HEATR6: variants seen among roughly 807,000 people sequenced by gnomAD.
HEATR6 encodes HEAT repeat-containing protein 6.
HEATR6 carries 106 observed loss-of-function variants against 132.8 expected under a neutral mutation model. The observed-to-expected ratio is 0.80, with a 90% CI of 0.68 to 0.94. The LOEUF (loss-of-function observed/expected upper bound fraction) is 0.94, where lower values mean the gene tolerates loss of function less well. HEATR6 is among the 40% of genes least tolerant of loss of function. The pLI is 0.00. For missense variants in HEATR6, 1,339 were observed against 1,425.1 expected (o/e 0.94, Z 0.97); for synonymous variants, 529 against 537.8 (o/e 0.98, Z 0.23).
intron 9 of HEATR6, chr17:60,064,821 A>C (rs577623060): frequency 6.6e-6 from 1 of 152,368 alleles, no homozygotes; most frequent in South Asian, 2.1e-4. Context: ...AAAATATATG[A>C]AGATATAAAC....
chr17:60,078,780 G>T lies in HEATR6; in HGVS notation c.135C>A (p.Ser45Arg). The T allele has an allele frequency of 6.3e-7, 1 of 1,583,548 alleles. No individual in the cohort carries two copies. The change falls in exon 1 of 20, where the codon AGC becomes AGA. Residue 45 changes from serine to arginine, a missense_variant. Transcript: ENST00000184956. ...GGTGGATCTCGGTGCGGGCGGAGCT[G>T]CTGTCATCCGGGCGCAGGGCGCAGA... ...ARLCALRPDD[S>R]SSARTEIHLL...
intron 12 of HEATR6, 28 bp from the exon 13 acceptor site, chr17:60,056,265 C>T (rs773878356): frequency 1.3e-6 from 2 of 1,594,244 alleles, no homozygotes; most frequent in South Asian, 1.1e-5. Flanking sequence ...AATTAACCCT[C>T]TAAGACCTGA....
chr17:60,073,922 T>A, intron 2 of HEATR6, 36 bp from the exon 3 acceptor site: 1 of 1,597,072 alleles, frequency 6.3e-7, no homozygotes, highest in African/African-American at 1.4e-5. Context: ...CTGATCTAAC[T>A]TTTAAAAAAT....
chr17:60,046,735 C>G (rs571206482), intron 18 of HEATR6, among the ~76,000 whole-genome samples: 1 of 152,262 alleles, frequency 6.6e-6, no homozygotes, highest in East Asian at 1.9e-4. Flanking sequence ...ACCAGATTTT[C>G]AGAAGTAGTA....
intron 7 of HEATR6, among the ~76,000 whole-genome samples, chr17:60,068,347 T>C (rs1409937707): frequency 1.3e-5 from 2 of 151,934 alleles, no homozygotes; most frequent in East Asian, 3.9e-4. Context: ...TCCAAGTATA[T>C]CTGGAATCTG....
In HEATR6 at chr17:60,043,349, G is replaced by A. The variant is rs1463008261; in HGVS notation, c.*214C>T. 1 of 553,866 alleles carries A rather than the reference G, an allele frequency of 1.8e-6. No individual in the cohort carries two copies. The highest frequency in any genetic ancestry group is 3.2e-6 in the Non-Finnish European group (1 of 312,182). The allele number at this position is 553,866 out of a possible 1,614,324, so 34.3% of individuals were successfully genotyped here. On this transcript the variant is annotated 3_prime_UTR_variant, in exon 20 of 20. Transcript: ENST00000184956. ...GACTCCTCGGCTCCTGGATGCACAG[G>A]TCAGATGTTCCAACAACCCTGACCA...
At chr17:60,047,895 T>C (rs1034822029) in intron 17 of HEATR6, among the ~76,000 whole-genome samples, 2 of 152,214 alleles carry the variant, frequency 1.3e-5, no homozygotes, top group Admixed American at 6.5e-5. Flanking sequence ...TCACACTGAA[T>C]GCTGCTTTGT....
chr17:60,068,090 T>G (rs1399189571), intron 7 of HEATR6, among the ~76,000 whole-genome samples: 1 of 152,216 alleles, frequency 6.6e-6, no homozygotes, highest in African/African-American at 2.4e-5. Flanking sequence ...GCACATGTGT[T>G]GTGAAAGTAT....
At chr17:60,060,486 A>G (rs1719953552) in intron 9 of HEATR6, among the ~76,000 whole-genome samples, 1 of 152,174 alleles carries the variant, frequency 6.6e-6, no homozygotes, top group Admixed American at 6.5e-5. Flanking sequence ...GTTTTACAGT[A>G]AGAAATAAAT....
At chr17:60,051,440 AG>A (rs1232150151) in intron 14 of HEATR6, among the ~76,000 whole-genome samples, 3 of 152,262 alleles carry the variant, frequency 2.0e-5, no homozygotes, top group African/African-American at 7.2e-5. Context: ...AATCTGCAGC[AG>A]GGGTGAACTA....
chr17:60,048,925 A>C (rs1906462226), intron 16 of HEATR6, among the ~76,000 whole-genome samples: 1 of 146,644 alleles, frequency 6.8e-6, no homozygotes, highest in African/African-American at 2.6e-5. Flanking sequence ...TTGGGTGCCT[A>C]AGGTCCCAGG....
At position 60,055,724 on chromosome 17, in the gene HEATR6, C is replaced by T. The variant is rs946767556; in HGVS notation, c.2203-123G>A. The T allele has an allele frequency of 2.5e-5, 15 of 595,722 alleles. No homozygotes were observed. The East Asian group carries it at 3.4e-4, about 14-fold the overall frequency. 36.9% of individuals were successfully genotyped at this position (595,722 alleles called of 1,614,324 possible). A position where few individuals can be genotyped will look rare whatever the true frequency, so the allele number is the denominator to read the frequency against. ...CACCTCCACTCGAGTAACACCTTCA[C>T]TCGAGTGACACCTTCACTCTAGTAA... On this transcript the variant is annotated intron_variant, in intron 13 of 19. Coordinates refer to ENST00000184956, the MANE Select transcript of HEATR6 (RefSeq NM_022070.5).
chr17:60,065,491 T>G (rs1214260335), intron 9 of HEATR6, among the ~76,000 whole-genome samples: 1 of 152,242 alleles, frequency 6.6e-6, no homozygotes, highest in African/African-American at 2.4e-5. Flanking sequence ...CATGACTTTT[T>G]AATGTTCATT....
intron 11 of HEATR6, 33 bp from the exon 12 acceptor site, chr17:60,057,436 T>C: frequency 7.4e-7 from 1 of 1,352,876 alleles, no homozygotes; most frequent in African/African-American, 1.4e-5. Flanking sequence ...CTTATCATCA[T>C]GGCAACAACT....
chr17:60,049,828 G>A, intron 15 of HEATR6, 126 bp from the exon 16 acceptor site: 1 of 1,006,412 alleles, frequency 9.9e-7, no homozygotes, highest in Non-Finnish European at 1.4e-6. Context: ...TTGCGACCTT[G>A]AGGCTACCCT....
At position 60,073,895 on chromosome 17, in the gene HEATR6, A is replaced by C; in HGVS notation, c.328-9T>G. The C allele has an allele frequency of 6.2e-7, 1 of 1,612,478 alleles. No homozygotes were observed. The highest frequency in any genetic ancestry group is 8.5e-7 in the Non-Finnish European group (1 of 1,179,374). ...TGTTCATCAACAATTACCTAACAGG[A>C]CAGGAAAAGATATATTCTGATCTAA... On this transcript the variant is annotated splice_polypyrimidine_tract_variant and intron_variant, in intron 2 of 19. Transcript: ENST00000184956.
chr17:60,047,265 TTAAC>T, intron 18 of HEATR6, 40 bp downstream of exon 18: 1 of 1,283,196 alleles, frequency 7.8e-7, no homozygotes, highest in African/African-American at 1.5e-5. Flanking sequence ...CTACAATACA[TTAAC>T]TATCTGTTTG....
At chr17:60,048,056 T>A (rs1906431922) in intron 17 of HEATR6, among the ~76,000 whole-genome samples, 1 of 152,248 alleles carries the variant, frequency 6.6e-6, no homozygotes, top group Non-Finnish European at 1.5e-5. Context: ...GTATTTTTAA[T>A]ACATATATAT....
chr17:60,064,263 AC>A, intron 9 of HEATR6: 1 of 158,670 alleles, frequency 6.3e-6, no homozygotes, highest in East Asian at 1.8e-4. Flanking sequence ...CTGAGATCTC[AC>A]CATTGCACTC....
Sources: allele counts gnomAD v4.1 joint callset (sites outside exome capture counted in the v4.1 genomes callset), GRCh38; gene constraint gnomAD v4.1.1; transcripts MANE v1.5; gene names NCBI Gene and HGNC (gene_info 2026-07-23, HGNC 2026-07-21).